CREBBP: variants seen among roughly 807,000 people sequenced by gnomAD.
The protein encoded by CREBBP is CREB-binding protein.
Under a neutral mutation model 265.0 loss-of-function variants are expected in CREBBP, and 19 were observed. The observed-to-expected ratio is 0.07, with a 90% CI of 0.05 to 0.11. The LOEUF (loss-of-function observed/expected upper bound fraction) is 0.11. CREBBP is among the 10% of genes least tolerant of loss of function. CREBBP has a pLI of 1.00. For synonymous variants in CREBBP, 1,457 were observed against 1,223.7 expected (o/e 1.19, Z -3.98); for missense variants, 2,525 against 3,219.0 (o/e 0.78, Z 5.22).
At chr16:3,802,696 C>A (rs1051753593) in intron 3 of CREBBP, among the ~76,000 whole-genome samples, 2 of 152,120 alleles carry the variant, frequency 1.3e-5, no homozygotes, top group East Asian at 3.8e-4. Flanking sequence ...CAGCAAGAGA[C>A]TGACCAAGAA....
chr16:3,757,681 C>A, intron 18 of CREBBP, 128 bp downstream of exon 18: 1 of 1,356,464 alleles, frequency 7.4e-7, no homozygotes, highest in Non-Finnish European at 1.0e-6. Context: ...CAGGCATCAA[C>A]TGTGTCACCA....
chr16:3,778,000 A>G lies in CREBBP; in HGVS notation c.2113+11T>C, dbSNP rs749722865. On this transcript the variant is annotated intron_variant, in intron 10 of 30. Transcript: ENST00000262367. ...AGGCTAAGGGATGGCAGTAGGAAAT[A>G]AAATCCTTACTTGGAGGTCTCACAG... 136 of 1,613,904 alleles carry G rather than the reference A, an allele frequency of 8.4e-5. No individual in the cohort carries two copies. The highest frequency in any genetic ancestry group is 1.1e-4 in the Non-Finnish European group (132 of 1,179,862).
At chr16:3,736,571 G>T (rs2151328758) in intron 27 of CREBBP, 79 bp downstream of exon 27, 1 of 1,574,168 alleles carries the variant, frequency 6.4e-7, no homozygotes, top group South Asian at 1.1e-5. Flanking sequence ...TAACAAGTAT[G>T]CGAATGCAAG....
At chr16:3,732,656 C>T (rs189097101) in intron 28 of CREBBP, among the ~76,000 whole-genome samples, 79 of 152,188 alleles carry the variant, frequency 5.2e-4, no homozygotes, top group Middle Eastern at 3.4e-3. Context: ...CCTGCCTCAG[C>T]CTCCTGGGTA....
intron 2 of CREBBP, among the ~76,000 whole-genome samples, chr16:3,826,544 C>T (rs771133427): frequency 3.9e-5 from 6 of 152,066 alleles, no homozygotes; most frequent in South Asian, 2.1e-4. Flanking sequence ...CTCAAAGTGA[C>T]GTGGTAAAAA....
At chr16:3,777,729 G>C in intron 10 of CREBBP, 72 bp from the exon 11 acceptor site, 1 of 1,567,980 alleles carries the variant, frequency 6.4e-7, no homozygotes, top group Non-Finnish European at 8.8e-7. Flanking sequence ...TCAGGAATAG[G>C]AAATTTCTTA....
intron 24 of CREBBP, 49 bp from the exon 25 acceptor site, chr16:3,739,773 G>A (rs1397270337): frequency 6.2e-7 from 1 of 1,613,586 alleles, no homozygotes; most frequent in South Asian, 1.1e-5. Context: ...TTGCTGACAA[G>A]GTGCTTCTGC....
intron 1 of CREBBP, among the ~76,000 whole-genome samples, chr16:3,879,434 C>G (rs964119803): frequency 6.6e-6 from 1 of 152,244 alleles, no homozygotes; most frequent in African/African-American, 2.4e-5. Context: ...TGGCCGCGAT[C>G]TTGCTTTCTC....
intron 2 of CREBBP, among the ~76,000 whole-genome samples, chr16:3,844,147 C>CAAAAA (rs545907683): frequency 1.0e-4 from 2 of 19,708 alleles, no homozygotes; most frequent in African/African-American, 2.0e-4. Flanking sequence ...GACTCCGTCT[C>CAAAAA]AAAAAAAAAA....
At chr16:3,830,096 A>C (rs1282216208) in intron 2 of CREBBP, among the ~76,000 whole-genome samples, 1 of 152,226 alleles carries the variant, frequency 6.6e-6, no homozygotes. Flanking sequence ...GACATACTTA[A>C]GAGACAAAGT....
Position 3,879,883 on chromosome 16 carries a change from G to A in CREBBP, c.34C>T (p.Pro12Ser). ...AENLLDGPPN[P>S]KRAKLSSPGF... is the part of the protein sequence containing the mutation. ...GGCGAGCTGAGTTTGGCTCTTTTGG[G>A]GTTGGGCGGTCCGTCCAGCAAGTTC... Residue 12 changes from proline to serine, a missense_variant, in exon 1 of 31, where the codon CCC becomes TCC. Pro to Ser is a moderately conservative substitution (Grantham distance 74, BLOSUM62 -1). This residue lies in a region of CREBBP where 356 missense variants were observed against 340.4 expected (regional missense o/e 1.05). Transcript: ENST00000262367. The A allele has an allele frequency of 6.2e-7, 1 of 1,612,792 alleles. No individual in the cohort carries two copies. The highest frequency in any genetic ancestry group is 8.5e-7 in the Non-Finnish European group (1 of 1,179,408).
In CREBBP at chr16:3,767,929, A is replaced by G. The variant is rs1172471911; in HGVS notation, c.3061-20T>C. The G allele has an allele frequency of 3.1e-6, 5 of 1,611,866 alleles. No homozygotes were observed. The highest frequency in any genetic ancestry group is 3.3e-5 in the Admixed American group (2 of 59,992). The stretch of plus-strand genomic sequence containing the variant: ...CATCATCTTGAGAAAAACATTACAG[A>G]TAACATATGAATATCAAACACCTTT... On this transcript the variant is annotated intron_variant, in intron 15 of 30. Coordinates refer to ENST00000262367, the MANE Select transcript of CREBBP (RefSeq NM_004380.3).
chr16:3,772,754 T>A (rs998486707), intron 13 of CREBBP, among the ~76,000 whole-genome samples: 2 of 151,960 alleles, frequency 1.3e-5, no homozygotes, highest in Admixed American at 1.3e-4. Context: ...TAATGACTTA[T>A]GCAGCATTAT....
At chr16:3,836,868 G>C (rs2054462847) in intron 2 of CREBBP, among the ~76,000 whole-genome samples, 1 of 152,186 alleles carries the variant, frequency 6.6e-6, no homozygotes, top group Non-Finnish European at 1.5e-5. Flanking sequence ...TAGTGACGTA[G>C]TAGCTGTTGA....
In CREBBP at chr16:3,837,805, AATTT is replaced by A. The variant is rs148724174; in HGVS notation, c.798+12488_798+12491del. The stretch of plus-strand genomic sequence containing the variant: ...ATAAAGTGAAAAGTTACAGTAAGCT[AATTT>A]ATTACTGAAATTTAAAAATAAATAA... On this transcript the variant is annotated intron_variant, in intron 2 of 30. Transcript: ENST00000262367. Among the ~76,000 whole-genome samples, 381 of 152,274 alleles carry A rather than the reference AATTT, an allele frequency of 2.5e-3. 1 individual carries two copies. Among genetic ancestry groups the A allele is most frequent in the African/African-American group, 8.5e-3 (355 of 41,560 alleles).
At chr16:3,735,555 C>T (rs1370584104) in intron 28 of CREBBP, among the ~76,000 whole-genome samples, 5 of 152,140 alleles carry the variant, frequency 3.3e-5, no homozygotes, top group Admixed American at 1.3e-4. Flanking sequence ...CTCGGCCTCC[C>T]AAAGTGCGGG....
At chr16:3,744,995 A>G in intron 22 of CREBBP, 34 bp from the exon 23 acceptor site, 1 of 1,483,956 alleles carries the variant, frequency 6.7e-7, no homozygotes, top group Non-Finnish European at 9.4e-7. Context: ...GAGACTGTAT[A>G]TAATGATGTA....
At chr16:3,745,092 G>C in intron 22 of CREBBP, 131 bp from the exon 23 acceptor site, 1 of 898,712 alleles carries the variant, frequency 1.1e-6, no homozygotes. Context: ...TGAAGAGGCA[G>C]ACTGCTTTGA....
intron 19 of CREBBP, among the ~76,000 whole-genome samples, chr16:3,754,557 T>C (rs1156579527): frequency 2.0e-5 from 3 of 152,226 alleles, no homozygotes; most frequent in East Asian, 1.9e-4. Flanking sequence ...TGGAACTGCA[T>C]AGTTTATCTG....
Sources: allele counts gnomAD v4.1 joint callset (sites outside exome capture counted in the v4.1 genomes callset), GRCh38; gene constraint gnomAD v4.1.1; regional missense constraint gnomAD v4.1.1; transcripts MANE v1.5; gene names NCBI Gene and HGNC (gene_info 2026-07-23, HGNC 2026-07-21).